KLHL29: variants seen among roughly 807,000 people sequenced by gnomAD.
KLHL29 encodes kelch like family member 29.
Under a neutral mutation model 80.4 loss-of-function variants are expected in KLHL29, and 21 were observed. The ratio of observed to expected loss-of-function variants is 0.26; its 90% CI spans 0.19 to 0.38. The LOEUF (loss-of-function observed/expected upper bound fraction) is 0.38, where lower values mean the gene tolerates loss of function less well. Ranked by LOEUF, KLHL29 falls within the 10% of genes least tolerant of loss-of-function variation. KLHL29 has a pLI of 1.00. For synonymous variants in KLHL29, 511 were observed against 526.8 expected, an observed-to-expected ratio of 0.97 and a Z score of 0.41; for missense variants, 867 against 1,223.9, an observed-to-expected ratio of 0.71 and a Z score of 4.35.
At chr2:23,386,148 A>G (rs1046969513) in intron 1 of KLHL29, among the ~76,000 whole-genome samples, 47 of 151,544 alleles carry the variant, frequency 3.1e-4, no homozygotes, top group Non-Finnish European at 4.4e-4. Flanking sequence ...GCCCCTCTCC[A>G]GGCCACGTTC....
At chr2:23,449,405 G>A (rs752771151) in intron 1 of KLHL29, among the ~76,000 whole-genome samples, 18 of 152,122 alleles carry the variant, frequency 1.2e-4, no homozygotes, top group Non-Finnish European at 2.1e-4. Context: ...AATATTGTTC[G>A]CCTAGTCTAT....
chr2:23,486,338 C>G (rs1011369135), intron 2 of KLHL29, among the ~76,000 whole-genome samples: 1 of 151,978 alleles, frequency 6.6e-6, no homozygotes, highest in African/African-American at 2.4e-5. Context: ...GATGAATGGG[C>G]CATCCGAGAT....
At chr2:23,572,427 A>G (rs1053153958) in intron 3 of KLHL29, among the ~76,000 whole-genome samples, 13 of 152,220 alleles carry the variant, frequency 8.5e-5, no homozygotes, top group African/African-American at 3.1e-4. Flanking sequence ...CGTTCCTATT[A>G]TAATACATGA....
chr2:23,466,055 C>T (rs1664343776), intron 1 of KLHL29, among the ~76,000 whole-genome samples: 1 of 151,874 alleles, frequency 6.6e-6, no homozygotes. Context: ...GGATGGGTGG[C>T]CAGATAATGC....
chr2:23,571,169 G>A lies in KLHL29; in HGVS notation c.285+8688G>A, dbSNP rs553728261. On this transcript the variant is annotated intron_variant, in intron 3 of 13. Transcript: ENST00000486442. ...CACCCAGTTGAGGGCCAGACTGATG[G>A]CGAACATGACCCAGATTCTTCACCT... 4.6e-5 allele frequency among the ~76,000 whole-genome samples: 7 copies of A among 152,372 alleles called. No individual in the cohort carries two copies. In the East Asian group the frequency reaches 9.6e-4, roughly 21 times the overall value.
chr2:23,627,647 G>T (rs1414773945), intron 3 of KLHL29, among the ~76,000 whole-genome samples: 1 of 152,256 alleles, frequency 6.6e-6, no homozygotes, highest in East Asian at 1.9e-4. Flanking sequence ...TCTTTGTCTC[G>T]CTGCCCCTCG....
At chr2:23,458,299 T>G (rs981582541) in intron 1 of KLHL29, among the ~76,000 whole-genome samples, 1 of 152,250 alleles carries the variant, frequency 6.6e-6, no homozygotes, top group African/African-American at 2.4e-5. Flanking sequence ...GCTGGCAGAC[T>G]GTTTCTATAA....
chr2:23,425,539 C>T (rs1161217263), intron 1 of KLHL29, among the ~76,000 whole-genome samples: 1 of 152,182 alleles, frequency 6.6e-6, no homozygotes, highest in Admixed American at 6.5e-5. Flanking sequence ...TCAAAGAACG[C>T]AACGCTGGGC....
At chr2:23,504,572 G>T (rs1665543764) in intron 2 of KLHL29, among the ~76,000 whole-genome samples, 1 of 152,250 alleles carries the variant, frequency 6.6e-6, no homozygotes, top group Admixed American at 6.5e-5. Context: ...GGGGGCACAG[G>T]GGGCAGGGAA....
In KLHL29 at chr2:23,389,150, G is replaced by A. The variant is rs576564435; in HGVS notation, c.-154+3370G>A. ...GTCAAAGCCAGAAGTTTTCAGAACAGCAGAGGATTTTCCAAATACAATATA... is the reference window on the plus strand; with the variant it reads ...GTCAAAGCCAGAAGTTTTCAGAACAACAGAGGATTTTCCAAATACAATATA... On this transcript the variant is annotated intron_variant, in intron 1 of 13. Coordinates refer to ENST00000486442, the MANE Select transcript of KLHL29 (RefSeq NM_052920.2). Among the ~76,000 whole-genome samples the A allele has an allele frequency of 5.9e-5, 9 of 152,216 alleles. No individual in the cohort carries two copies. In the East Asian group the frequency reaches 1.7e-3, roughly 29 times the overall value.
chr2:23,630,960 G>C (rs1669452406), intron 3 of KLHL29, among the ~76,000 whole-genome samples: 1 of 152,234 alleles, frequency 6.6e-6, no homozygotes, highest in African/African-American at 2.4e-5. Context: ...CCTGGCATCT[G>C]TTTATGGCTT....
At position 23,391,982 on chromosome 2, in the gene KLHL29, A is replaced by G. The variant is rs535628928; in HGVS notation, c.-154+6202A>G. Among the ~76,000 whole-genome samples, 3 of 152,328 alleles carry G rather than the reference A, an allele frequency of 2.0e-5. No individual in the cohort carries two copies. The South Asian group carries it at 6.2e-4, about 32-fold the overall frequency. ...AACATGGGCTTCCTGTCCACGTTGA[A>G]GTCCCGTCTCCAGTGCTTCCTAGCT... On this transcript the variant is annotated intron_variant, in intron 1 of 13. Coordinates refer to ENST00000486442, the MANE Select transcript of KLHL29 (RefSeq NM_052920.2).
chr2:23,663,459 C>G (rs962314683), intron 5 of KLHL29, among the ~76,000 whole-genome samples: 1 of 152,244 alleles, frequency 6.6e-6, no homozygotes, highest in Non-Finnish European at 1.5e-5. Flanking sequence ...AGGGGACCAC[C>G]GGGAGGTTCC....
chr2:23,669,431 C>G lies in KLHL29; in HGVS notation c.941-14968C>G, dbSNP rs1253447833. 1 of 152,410 alleles carries G rather than the reference C, an allele frequency of 6.6e-6. No homozygotes were observed. Among genetic ancestry groups the G allele is most frequent in the Admixed American group, 6.5e-5 (1 of 15,294 alleles). 9.4% of individuals were successfully genotyped at this position (152,410 alleles called of 1,614,324 possible). ...GCCACCCTCCTCTTCCAGGCTCCCA[C>G]GCAGCCTCCGTTTCCCTTCCACACA... On this transcript the variant is annotated intron_variant, in intron 5 of 13. Transcript: ENST00000486442. The surrounding 1 kb of genome is among the most constrained non-coding windows in gnomAD (Gnocchi z 4.3).
At chr2:23,612,990 A>G (rs1668908045) in intron 3 of KLHL29, among the ~76,000 whole-genome samples, 1 of 130,094 alleles carries the variant, frequency 7.7e-6, no homozygotes, top group African/African-American at 2.5e-5. Context: ...TGGAGAACAA[A>G]TGAAATGAAA....
intron 1 of KLHL29, among the ~76,000 whole-genome samples, chr2:23,411,240 T>C (rs1308051125): frequency 6.6e-6 from 1 of 151,964 alleles, no homozygotes; most frequent in Non-Finnish European, 1.5e-5. Flanking sequence ...GGCCTAGGGA[T>C]TTGTGACATG....
In KLHL29 at chr2:23,706,690, C is replaced by T. The variant is rs1246476448; in HGVS notation, c.*26C>T. 5.8e-5 allele frequency: 86 copies of T among 1,471,978 alleles called. No individual in the cohort carries two copies. The East Asian group carries it at 2.1e-3, about 37-fold the overall frequency. The allele number at this position is 1,471,978 out of a possible 1,614,324, so 91.2% of individuals were successfully genotyped here. A position where few individuals can be genotyped will look rare whatever the true frequency, so the allele number is the denominator to read the frequency against. ...CATCAGCAGAAAGCCCACGATAAGA[C>T]TGTGGACAAGTCTGGTGAGGCAAGT... On this transcript the variant is annotated 3_prime_UTR_variant, in exon 14 of 14. Coordinates refer to ENST00000486442, the MANE Select transcript of KLHL29 (RefSeq NM_052920.2).
At chr2:23,614,607 G>A (rs969715581) in intron 3 of KLHL29, among the ~76,000 whole-genome samples, 4 of 152,202 alleles carry the variant, frequency 2.6e-5, no homozygotes, top group Non-Finnish European at 4.4e-5. Context: ...GGGAATATGC[G>A]TTCTTCAGAA....
intron 5 of KLHL29, among the ~76,000 whole-genome samples, chr2:23,659,227 G>A (rs1018468600): frequency 2.0e-5 from 3 of 152,214 alleles, no homozygotes; most frequent in Non-Finnish European, 4.4e-5. Flanking sequence ...TGTGCAACTT[G>A]AGCAACCCGT....
Sources: gnomAD v4.1 joint callset for allele counts (sites outside exome capture counted in the v4.1 genomes callset) on GRCh38, gnomAD v4.1.1 for gene constraint, Gnocchi (gnomAD v3.1) non-coding constraint, MANE v1.5 for transcripts, NCBI Gene and HGNC (gene_info 2026-07-23, HGNC 2026-07-21) for gene names.